The following ADPRHL1 variants were observed in gnomAD, a reference collection of about 807,000 sequenced individuals.
ADPRHL1 encodes ADP-ribosylhydrolase like 1, also known as inactive ADP-ribosyltransferase ARH2.
ADPRHL1 carries 43 observed loss-of-function variants against 44.1 expected under a neutral mutation model. The ratio of observed to expected loss-of-function variants is 0.98; its 90% CI spans 0.76 to 1.26. The LOEUF is 1.26. Ranked by LOEUF, ADPRHL1 falls within the 50% of genes most tolerant of loss-of-function variation. The pLI, the probability that ADPRHL1 is intolerant of heterozygous loss-of-function variation, is 0.00. For missense variants in ADPRHL1, 2,022 were observed against 2,496.9 expected (o/e 0.81, Z 4.05); for synonymous variants, 878 against 1,017.4 (o/e 0.86, Z 2.61).
In ADPRHL1 at chr13:113,405,450, C is replaced by CT; in HGVS notation, c.3831dup (p.Glu1278ArgfsTer15). 2 of 1,231,982 alleles carry CT rather than the reference C, an allele frequency of 1.6e-6. No individual in the cohort carries two copies. Among genetic ancestry groups the CT allele is most frequent in the Non-Finnish European group, 2.0e-6 (2 of 988,132 alleles). 76.3% of individuals were successfully genotyped at this position (1,231,982 alleles called of 1,614,324 possible). A position where few individuals can be genotyped will look rare whatever the true frequency, so the allele number is the denominator to read the frequency against. ...AGGCCAGGGCCATAGCTGGGGGACT[C>CT]TGCCACGCTCCTTGCCTGTGGCCTA... On this transcript the variant is annotated frameshift_variant, in exon 8 of 8. Coordinates refer to ENST00000612156, the MANE Select transcript of ADPRHL1 (RefSeq NM_001394807.1). LOFTEE classifies it low-confidence loss of function (END_TRUNC).
At position 113,414,679 on chromosome 13, in the gene ADPRHL1, GT is replaced by G. The variant is rs34698707; in HGVS notation, c.1062-6460del. Among the ~76,000 whole-genome samples, 662 of 138,788 alleles carry G rather than the reference GT, an allele frequency of 4.8e-3. 2 individuals are homozygous for G. The highest frequency in any genetic ancestry group is 8.9e-3 in the African/African-American group (338 of 37,936). 91.1% of individuals were successfully genotyped at this position (138,788 alleles called of 152,430 possible). ...GCTGAGCAGGGGTCTTCTGTTTTCT[GT>G]TTTTTTTTTTTTTTAGATGGAGTCT... On this transcript the variant is annotated intron_variant, in intron 7 of 7. Transcript: ENST00000612156.
chr13:113,437,029 T>A (rs12872429), intron 2 of ADPRHL1, among the ~76,000 whole-genome samples: 13 of 39,510 alleles, frequency 3.3e-4, no homozygotes, highest in African/African-American at 1.3e-3. Context: ...ACCCTGGGAC[T>A]CGGCACCCAG....
intron 2 of ADPRHL1, among the ~76,000 whole-genome samples, chr13:113,437,974 G>A (rs2044073211): frequency 6.6e-6 from 1 of 152,188 alleles, no homozygotes; most frequent in Admixed American, 6.5e-5. Flanking sequence ...GGGATTACAG[G>A]CACACACCAC....
intron 7 of ADPRHL1, among the ~76,000 whole-genome samples, chr13:113,414,908 C>A (rs1198998256): frequency 6.6e-6 from 1 of 152,058 alleles, no homozygotes; most frequent in African/African-American, 2.4e-5. Flanking sequence ...CTCCTGACCT[C>A]ATGATCCATG....
rs929569382 is a variant in ADPRHL1, at chr13:113,409,730, TA to T, written c.1062-1511del. ...TGAAACCCCGTCTCTACTAAAGATA[TA>T]AAAAAAAATCAGCCGGGCGTGGTGG... On this transcript the variant is annotated intron_variant, in intron 7 of 7. Transcript: ENST00000612156. This position sits in a 1 kb window ranked among gnomAD's most constrained non-coding sequence, Gnocchi z 4.2. 6.6e-4 allele frequency: 447 copies of T among 673,936 alleles called. No individual in the cohort carries two copies. Among genetic ancestry groups the T allele is most frequent in the Non-Finnish European group, 7.6e-4 (418 of 546,706 alleles). The allele number at this position is 673,936 out of a possible 1,614,324, so 41.7% of individuals were successfully genotyped here. A position where few individuals can be genotyped will look rare whatever the true frequency, so the allele number is the denominator to read the frequency against.
In ADPRHL1 at chr13:113,407,068, G is replaced by A. The variant is rs755740187; in HGVS notation, c.2214C>T (p.Ala738=). The A allele has an allele frequency of 7.3e-6, 9 of 1,232,138 alleles. No individual in the cohort carries two copies. The highest frequency in any genetic ancestry group is 6.2e-5 in the African/African-American group (4 of 64,412). The allele number at this position is 1,232,138 out of a possible 1,614,324, so 76.3% of individuals were successfully genotyped here. The change falls in exon 8 of 8, where the codon GCC becomes GCT. Residue 738 remains alanine, a synonymous_variant. Coordinates refer to ENST00000612156, the MANE Select transcript of ADPRHL1 (RefSeq NM_001394807.1). The stretch of plus-strand genomic sequence containing the variant: ...TGGGGTCTGCAGTCCCATCACCTCC[G>A]GCTGATCCGGTGCCCCAAGGGCTGG... The part of the protein sequence containing the change: ...GPASPWGTGS[A]GGDGTADPTA...
rs2043792419 is a variant in ADPRHL1, at chr13:113,404,562, CCT to C, written c.4718_4719del (p.Gln1573ArgfsTer250). ...CCCTGAACCTGTCCCTGGGCCCCAC[CCT>C]GAGCTGGTTCCTGTGCCTGCCCCTG... ...EAQGQAQEPAQGGAQGQVQGQ... is the reference protein window; with the variant it reads ...EAQGQAQEPAXGGAQGQVQGQ... On this transcript the variant is annotated frameshift_variant, in exon 8 of 8. Transcript: ENST00000612156. LOFTEE classifies it low-confidence loss of function (END_TRUNC). 7.7e-7 allele frequency: 1 copy of C among 1,298,502 alleles called. No homozygotes were observed. Among genetic ancestry groups the C allele is most frequent in the East Asian group, 3.1e-5 (1 of 31,828 alleles). 80.4% of individuals were successfully genotyped at this position (1,298,502 alleles called of 1,614,324 possible).
chr13:113,450,561 G>A (rs909725960), intron 1 of ADPRHL1, among the ~76,000 whole-genome samples: 2 of 152,172 alleles, frequency 1.3e-5, no homozygotes, highest in African/African-American at 4.8e-5. Flanking sequence ...AAGGCAGAAG[G>A]GGCAGGGTAA....
chr13:113,410,525 C>T (rs946179608), intron 7 of ADPRHL1, among the ~76,000 whole-genome samples: 3 of 152,218 alleles, frequency 2.0e-5, no homozygotes, highest in Non-Finnish European at 2.9e-5. Flanking sequence ...CAGTGTGCTG[C>T]GAGCTGGGAC....
At chr13:113,444,397 T>C in intron 2 of ADPRHL1, 28 bp downstream of exon 2, 1 of 1,608,978 alleles carries the variant, frequency 6.2e-7, no homozygotes, top group Non-Finnish European at 8.5e-7. Flanking sequence ...AGGGTGGCTT[T>C]AGGGGGAGAG....
In ADPRHL1 at chr13:113,399,622, G is replaced by A. The variant is rs1213320417; in HGVS notation, c.*3756C>T. On this transcript the variant is annotated 3_prime_UTR_variant, in exon 8 of 8. Coordinates refer to ENST00000612156, the MANE Select transcript of ADPRHL1 (RefSeq NM_001394807.1). The stretch of plus-strand genomic sequence containing the variant: ...AAGGAAGAGATTTGTAATGGGAAAG[G>A]TATTTTATTTCTTTTTGAAATTATT... 1 of 152,074 alleles carries A rather than the reference G, an allele frequency of 6.6e-6. No homozygotes were observed. The highest frequency in any genetic ancestry group is 1.5e-5 in the Non-Finnish European group (1 of 67,984). 9.4% of individuals were successfully genotyped at this position (152,074 alleles called of 1,614,324 possible).
chr13:113,447,223 G>T (rs1219456922), intron 1 of ADPRHL1, among the ~76,000 whole-genome samples: 15 of 110,806 alleles, frequency 1.4e-4, no homozygotes, highest in East Asian at 6.3e-4. Flanking sequence ...GCGTCTACAC[G>T]CACGGTGTTG....
At chr13:113,420,646 C>T (rs1324347436) in intron 7 of ADPRHL1, among the ~76,000 whole-genome samples, 2 of 152,042 alleles carry the variant, frequency 1.3e-5, no homozygotes, top group African/African-American at 2.4e-5. Context: ...CCCCCGTGTG[C>T]CTGTCTCTCT....
In ADPRHL1 at chr13:113,444,543, A is replaced by G. The variant is rs529174452; in HGVS notation, c.261T>C (p.Tyr87=). 24 of 1,614,186 alleles carry G rather than the reference A, an allele frequency of 1.5e-5. 1 individual carries two copies. In the East Asian group the frequency reaches 2.5e-4, roughly 16 times the overall value. ...DDLYREMVRC[Y]VEIVEKLPER... is the part of the protein sequence containing the mutation. ...CTGGAAGCTTCTCAACGATTTCCAC[A>G]TAGCATCTCACCATCTCCCGGTACA... The change falls in exon 2 of 8, where the codon TAT becomes TAC. Residue 87 remains tyrosine, a synonymous_variant. Transcript: ENST00000612156.
chr13:113,424,398 C>A (rs1174393799), intron 5 of ADPRHL1, 49 bp from the exon 6 acceptor site: 1 of 1,610,522 alleles, frequency 6.2e-7, no homozygotes, highest in Non-Finnish European at 8.5e-7. Context: ...GGAGCCACTT[C>A]TGGGTATATT....
chr13:113,453,300 G>A lies in ADPRHL1; in HGVS notation c.138C>T (p.Leu46=), dbSNP rs148683938. 5.0e-6 allele frequency: 8 copies of A among 1,614,048 alleles called. No individual in the cohort carries two copies. Among genetic ancestry groups the A allele is most frequent in the African/African-American group, 2.7e-5 (2 of 74,908 alleles). The change falls in exon 1 of 8, where the codon CTC becomes CTT. Residue 46 remains leucine (L), a synonymous_variant. Transcript: ENST00000612156. The surrounding 1 kb of genome is among the most constrained non-coding windows in gnomAD (Gnocchi z 5.4). ...ELQRSGGLDH[L]VLSPGEWPVS... is the part of the protein sequence containing the mutation. ...CGGGCCATTCTCCTGGCGAGAGTAC[G>A]AGGTGGTCCAGGCCCCCGGAACGTT...
At chr13:113,418,323 G>C (rs1003740024) in intron 7 of ADPRHL1, among the ~76,000 whole-genome samples, 1 of 152,208 alleles carries the variant, frequency 6.6e-6, no homozygotes, top group African/African-American at 2.4e-5. Flanking sequence ...CAGCAGCATG[G>C]TTCTCGGTCT....
intron 5 of ADPRHL1, among the ~76,000 whole-genome samples, chr13:113,424,783 C>T (rs372762767): frequency 7.4e-6 from 1 of 135,456 alleles, no homozygotes; most frequent in Non-Finnish European, 1.6e-5. Flanking sequence ...TACCCAACCA[C>T]CCATCCATAT....
chr13:113,407,658 T>C lies in ADPRHL1; in HGVS notation c.1624A>G (p.Met542Val). The C allele has an allele frequency of 8.1e-7, 1 of 1,231,374 alleles. No individual in the cohort carries two copies. The highest frequency in any genetic ancestry group is 1.0e-6 in the Non-Finnish European group (1 of 987,358). 76.3% of individuals were successfully genotyped at this position (1,231,374 alleles called of 1,614,324 possible). A position where few individuals can be genotyped will look rare whatever the true frequency, so the allele number is the denominator to read the frequency against. Residue 542 changes from methionine (M) to valine (V), a missense_variant, in exon 8 of 8, where the codon ATG becomes GTG. Met to Val is a conservative substitution (Grantham distance 21). This residue lies in a region of ADPRHL1 where 1,221 missense variants were observed against 1,517.8 expected (regional missense o/e 0.80). Transcript: ENST00000612156. Reference sequence around the variant, plus strand: ...TTGGACAGCACCGAGCTCTTGCCCATGATCTTCGGCAAGAGGCCCCTGGCG... The same window carrying C: ...TTGGACAGCACCGAGCTCTTGCCCACGATCTTCGGCAAGAGGCCCCTGGCG... ...KAARGLLPKI[M>V]GKSSVLSKLR... is the part of the protein sequence containing the mutation.
Sources: gnomAD v4.1 joint callset for allele counts (sites outside exome capture counted in the v4.1 genomes callset) on GRCh38, gnomAD v4.1.1 for gene constraint, gnomAD v4.1.1 regional missense constraint, Gnocchi (gnomAD v3.1) non-coding constraint, MANE v1.5 for transcripts, NCBI Gene and HGNC (gene_info 2026-07-23, HGNC 2026-07-21) for gene names.